The following CARF variants were observed in gnomAD, a reference collection of about 807,000 sequenced individuals.
CARF encodes the protein calcium responsive transcription factor.
CARF carries 57 observed loss-of-function variants against 82.0 expected under a neutral mutation model. The observed-to-expected ratio is 0.70, with a 90% CI of 0.56 to 0.87. CARF has a LOEUF of 0.87. CARF is among the 40% of genes least tolerant of loss of function. The probability of loss-of-function intolerance (pLI) is 0.00; values close to 1 mark genes in which losing one functional copy is unlikely to be tolerated. For missense variants in CARF, 771 were observed against 855.8 expected, an observed-to-expected ratio of 0.90 and a Z score of 1.24; for synonymous variants, 268 against 290.1, an observed-to-expected ratio of 0.92 and a Z score of 0.77.
chr2:202,977,122 T>C, intron 13 of CARF, 147 bp from the exon 14 acceptor site: 1 of 629,268 alleles, frequency 1.6e-6, no homozygotes, highest in Non-Finnish European at 2.8e-6. Context: ...TAAAGTATAC[T>C]TGTGCTTGAA....
intron 15 of CARF, 44 bp from the exon 16 acceptor site, chr2:202,982,028 A>G: frequency 4.4e-6 from 7 of 1,588,176 alleles, no homozygotes; most frequent in African/African-American, 1.4e-5. Context: ...AATATCATAC[A>G]TAGGAAATTC....
chr2:202,943,320 C>T (rs1256580490), intron 5 of CARF, among the ~76,000 whole-genome samples: 1 of 152,062 alleles, frequency 6.6e-6, no homozygotes, highest in African/African-American at 2.4e-5. Context: ...GTGATCCACC[C>T]GCCTTGGCCT....
intron 9 of CARF, among the ~76,000 whole-genome samples, chr2:202,964,842 T>C (rs2059474733): frequency 6.7e-6 from 1 of 148,978 alleles, no homozygotes; most frequent in Admixed American, 6.8e-5. Flanking sequence ...TATATATCTC[T>C]AAAAGATAAG....
intron 9 of CARF, 103 bp downstream of exon 9, chr2:202,961,529 C>A: frequency 2.1e-6 from 2 of 943,546 alleles, no homozygotes; most frequent in Non-Finnish European, 3.3e-6. Context: ...TGGTAGCTGA[C>A]AATTGAATGC....
Position 202,951,010 on chromosome 2 carries a change from T to A in CARF, c.307-1549T>A, listed in dbSNP as rs192985093. The stretch of plus-strand genomic sequence containing the variant: ...GTTTTTCCCCTAACATTAAATTTTT[T>A]AAAAAATTTTTTTCAAATTTATATT... On this transcript the variant is annotated intron_variant, in intron 5 of 16. Coordinates refer to ENST00000438828, the MANE Select transcript of CARF (RefSeq NM_024744.17). Among the ~76,000 whole-genome samples the A allele has an allele frequency of 3.5e-4, 53 of 152,316 alleles. 1 individual carries two copies. Among genetic ancestry groups the A allele is most frequent in the Middle Eastern group, 3.4e-3 (1 of 294 alleles).
At chr2:202,972,530 A>G (rs2059832328) in intron 12 of CARF, among the ~76,000 whole-genome samples, 1 of 151,950 alleles carries the variant, frequency 6.6e-6, no homozygotes, top group South Asian at 2.1e-4. Context: ...TACAAAAACT[A>G]GCTGGGCATG....
At chr2:202,914,955 T>A (rs1361860967) in intron 1 of CARF, among the ~76,000 whole-genome samples, 2 of 152,022 alleles carry the variant, frequency 1.3e-5, no homozygotes, top group Non-Finnish European at 2.9e-5. Flanking sequence ...AGTGCTTTTT[T>A]TTATTTTTTT....
chr2:202,946,937 C>T (rs185694864), intron 5 of CARF, among the ~76,000 whole-genome samples: 26 of 152,308 alleles, frequency 1.7e-4, no homozygotes, highest in African/African-American at 3.6e-4. Flanking sequence ...TATCATCACA[C>T]GCCGGTTAGA....
intron 10 of CARF, among the ~76,000 whole-genome samples, chr2:202,969,119 G>A (rs889066512): frequency 6.6e-6 from 1 of 152,032 alleles, no homozygotes; most frequent in African/African-American, 2.4e-5. Context: ...GTGAAACCCC[G>A]TCTCTACTAA....
intron 2 of CARF, among the ~76,000 whole-genome samples, chr2:202,923,071 A>G (rs1385377075): frequency 6.6e-6 from 1 of 151,738 alleles, no homozygotes; most frequent in East Asian, 2.0e-4. Context: ...GTGAAACCCC[A>G]TCTCTACTAA....
chr2:202,983,862 T>C lies in CARF; in HGVS notation c.*238T>C, dbSNP rs927793156. 4.5e-5 allele frequency: 18 copies of C among 400,976 alleles called. No individual in the cohort carries two copies. Among genetic ancestry groups the C allele is most frequent in the Non-Finnish European group, 7.9e-5 (18 of 228,306 alleles). 24.8% of individuals were successfully genotyped at this position (400,976 alleles called of 1,614,324 possible). ...CTCTTTGATTATCTAATAAGGCCAG[T>C]ATTTCAAAAGCTGTTCTGAATTTAT... On this transcript the variant is annotated 3_prime_UTR_variant, in exon 17 of 17. Transcript: ENST00000438828.
intron 13 of CARF, among the ~76,000 whole-genome samples, chr2:202,976,801 C>T (rs1265277896): frequency 2.7e-5 from 4 of 150,428 alleles, no homozygotes; most frequent in African/African-American, 4.9e-5. Flanking sequence ...GCCACGACCT[C>T]CAAGACTCAA....
chr2:202,926,778 A>T (rs1236433185), intron 3 of CARF, among the ~76,000 whole-genome samples: 1 of 152,144 alleles, frequency 6.6e-6, no homozygotes, highest in East Asian at 1.9e-4. Flanking sequence ...TAGGTTTTGT[A>T]GTTTACGATA....
chr2:202,932,531 G>A (rs1232909378), intron 3 of CARF, among the ~76,000 whole-genome samples: 1 of 152,064 alleles, frequency 6.6e-6, no homozygotes, highest in Non-Finnish European at 1.5e-5. Context: ...CTACAGTTTG[G>A]GAACATGAGC....
At position 202,953,956 on chromosome 2, in the gene CARF, G is replaced by C. The variant is rs374852058; in HGVS notation, c.428-49G>C. On this transcript the variant is annotated intron_variant, in intron 6 of 16. Transcript: ENST00000438828. ...AGTTTTAGTTAGGTATATTCTTATG[G>C]TCTTATTCAAGATATTGATGTTACT... The C allele has an allele frequency of 3.9e-5, 59 of 1,530,420 alleles. No homozygotes were observed. The African/African-American group carries it at 6.8e-4, about 18-fold the overall frequency. 94.8% of individuals were successfully genotyped at this position (1,530,420 alleles called of 1,614,324 possible).
chr2:202,984,063 T>TA lies in CARF; in HGVS notation c.*439_*440insA, dbSNP rs1452068017. The TA allele has an allele frequency of 6.5e-6, 1 of 153,024 alleles. No homozygotes were observed. The highest frequency in any genetic ancestry group is 2.4e-5 in the African/African-American group (1 of 41,464). 9.5% of individuals were successfully genotyped at this position (153,024 alleles called of 1,614,324 possible). A position where few individuals can be genotyped will look rare whatever the true frequency, so the allele number is the denominator to read the frequency against. On this transcript the variant is annotated 3_prime_UTR_variant, in exon 17 of 17. Coordinates refer to ENST00000438828, the MANE Select transcript of CARF (RefSeq NM_024744.17). ...TTTTTAAGTTCTGAAAAAGAACTTGTTCTCTCCTTAAAGTTGTGAAGAAAT... is the reference window on the plus strand; with the variant it reads ...TTTTTAAGTTCTGAAAAAGAACTTGTATCTCTCCTTAAAGTTGTGAAGAAAT...
intron 5 of CARF, among the ~76,000 whole-genome samples, chr2:202,948,227 C>T (rs1481815210): frequency 6.6e-6 from 1 of 152,166 alleles, no homozygotes; most frequent in Non-Finnish European, 1.5e-5. Context: ...TGTTTTCATA[C>T]CAGTACCATG....
intron 9 of CARF, chr2:202,962,711 G>A (rs1412096631): frequency 6.6e-6 from 1 of 152,084 alleles, no homozygotes; most frequent in Non-Finnish European, 1.5e-5. Context: ...ATAGTAAAAT[G>A]TAGATATTGT....
intron 1 of CARF, among the ~76,000 whole-genome samples, chr2:202,916,719 C>G (rs1574445472): frequency 6.6e-6 from 1 of 152,064 alleles, no homozygotes; most frequent in African/African-American, 2.4e-5. Context: ...GATGTTAAGA[C>G]CATTTTTTTT....
Sources: gnomAD v4.1 joint callset for allele counts (sites outside exome capture counted in the v4.1 genomes callset) on GRCh38, gnomAD v4.1.1 for gene constraint, MANE v1.5 for transcripts, NCBI Gene and HGNC (gene_info 2026-07-23, HGNC 2026-07-21) for gene names.